The following GPM6A variants were observed in gnomAD, a reference collection of about 807,000 sequenced individuals.
GPM6A encodes glycoprotein M6A.
Under a neutral mutation model 32.1 loss-of-function variants are expected in GPM6A, and 7 were observed. That is an observed-to-expected ratio of 0.22 (90% CI 0.12 to 0.41). The LOEUF is 0.41. Among genes scored for constraint, GPM6A ranks in the 10% least tolerant of loss-of-function variants. The pLI, the probability that GPM6A is intolerant of heterozygous loss-of-function variation, is 1.00. For missense variants in GPM6A, 235 were observed against 347.2 expected (o/e 0.68, Z 2.57); for synonymous variants, 130 against 123.4 (o/e 1.05, Z -0.35).
At chr4:175,787,285 C>T (rs2111265759) in intron 1 of GPM6A, 2 of 1,057,988 alleles carry the variant, frequency 1.9e-6, no homozygotes, top group Non-Finnish European at 2.8e-6. Flanking sequence ...GAAATGATTT[C>T]CTCAATAGTT....
At chr4:175,679,531 T>C (rs1340170922) in intron 2 of GPM6A, among the ~76,000 whole-genome samples, 1 of 152,104 alleles carries the variant, frequency 6.6e-6, no homozygotes, top group African/African-American at 2.4e-5. Flanking sequence ...TCAAAACTTC[T>C]CCCCAATGTT....
chr4:175,935,129 T>C (rs1459945020), intron 1 of GPM6A, among the ~76,000 whole-genome samples: 1 of 152,220 alleles, frequency 6.6e-6, no homozygotes, highest in East Asian at 1.9e-4. Context: ...TATTGCACTT[T>C]AGAGCACAGT....
At chr4:175,740,827 T>A (rs2644009) in intron 1 of GPM6A, among the ~76,000 whole-genome samples, 39,360 of 151,822 alleles carry the variant, frequency 0.26, 5,176 homozygotes, top group Non-Finnish European at 0.27. Flanking sequence ...TAAGTAACAC[T>A]AAAGAAAATG....
intron 1 of GPM6A, among the ~76,000 whole-genome samples, chr4:175,931,705 C>CATAT (rs1488274272): frequency 7.2e-6 from 1 of 139,178 alleles, no homozygotes; most frequent in African/African-American, 2.9e-5. Context: ...CACACACACA[C>CATAT]ACACATATAT....
At chr4:175,637,311 TAATATAAAATA>T (rs1740752320) in intron 6 of GPM6A, among the ~76,000 whole-genome samples, 1 of 20,574 alleles carries the variant, frequency 4.9e-5, no homozygotes, top group Admixed American at 9.5e-4. Flanking sequence ...ATATTATATA[TAATATAAAATA>T]TATATTATAT....
At chr4:175,987,483 A>G (rs1741012056) in intron 1 of GPM6A, among the ~76,000 whole-genome samples, 1 of 151,894 alleles carries the variant, frequency 6.6e-6, no homozygotes, top group African/African-American at 2.4e-5. Context: ...TTAAGACTTA[A>G]AACTTAGTTA....
At chr4:175,794,360 C>T (rs1231367821) in intron 1 of GPM6A, among the ~76,000 whole-genome samples, 1 of 152,038 alleles carries the variant, frequency 6.6e-6, no homozygotes, top group African/African-American at 2.4e-5. Flanking sequence ...TAATAGAAAC[C>T]ATAATCAAAT....
intron 1 of GPM6A, among the ~76,000 whole-genome samples, chr4:175,951,432 A>G (rs973291266): frequency 6.6e-6 from 1 of 152,186 alleles, no homozygotes; most frequent in Non-Finnish European, 1.5e-5. Context: ...AAGAGAGAGG[A>G]TAGAGTTGGA....
intron 1 of GPM6A, among the ~76,000 whole-genome samples, chr4:175,931,965 G>T (rs1460637751): frequency 1.3e-5 from 2 of 151,760 alleles, no homozygotes; most frequent in Non-Finnish European, 2.9e-5. Context: ...GGTGGTGCAT[G>T]CCTGTAGTCC....
chr4:175,641,161 A>C (rs1419625357), intron 4 of GPM6A: 1 of 279,084 alleles, frequency 3.6e-6, no homozygotes, highest in Non-Finnish European at 6.8e-6. Context: ...TATTTTGTTA[A>C]CTATGCCCCA....
intron 1 of GPM6A, among the ~76,000 whole-genome samples, chr4:175,830,674 C>A (rs1040259487): frequency 6.6e-6 from 1 of 152,134 alleles, no homozygotes; most frequent in African/African-American, 2.4e-5. Flanking sequence ...ATCTTTCATC[C>A]ATTTTGAATA....
chr4:176,002,345 A>G, upstream of GPM6A: 1 of 1,582,738 alleles, frequency 6.3e-7, no homozygotes, highest in Non-Finnish European at 8.6e-7. Flanking sequence ...CAGTCCCCAG[A>G]GGAGAGCGAG....
chr4:175,860,279 C>T (rs1736535602), intron 1 of GPM6A, among the ~76,000 whole-genome samples: 1 of 150,610 alleles, frequency 6.6e-6, no homozygotes, highest in East Asian at 2.0e-4. Context: ...AAAAAAAAAT[C>T]GATAAAATTA....
At chr4:175,812,126 C>A in intron 1 of GPM6A, 65 bp downstream of exon 1, 2 of 1,257,552 alleles carry the variant, frequency 1.6e-6, no homozygotes, top group South Asian at 2.6e-5. Flanking sequence ...TGGCAAGTGT[C>A]TAAAGCAAAC....
chr4:175,971,033 A>G (rs1381236281), intron 1 of GPM6A: 1 of 358,280 alleles, frequency 2.8e-6, no homozygotes, highest in East Asian at 9.1e-5. Flanking sequence ...CTCAGTTAGG[A>G]AAGTAAAGGA....
chr4:175,729,132 C>A (rs1034724957), intron 1 of GPM6A, among the ~76,000 whole-genome samples: 12 of 152,166 alleles, frequency 7.9e-5, no homozygotes, highest in Non-Finnish European at 1.5e-4. Flanking sequence ...TCTATCAGAT[C>A]TAATACCAAA....
chr4:175,637,324 ATATTATATAT>A (rs1740758549), intron 6 of GPM6A, among the ~76,000 whole-genome samples: 1 of 79,580 alleles, frequency 1.3e-5, no homozygotes, highest in Non-Finnish European at 2.2e-5. Flanking sequence ...TATAAAATAT[ATATTATATAT>A]TATATATTAT....
At chr4:175,724,080 T>C (rs1419361574) in intron 1 of GPM6A, among the ~76,000 whole-genome samples, 1 of 151,960 alleles carries the variant, frequency 6.6e-6, no homozygotes, top group Non-Finnish European at 1.5e-5. Flanking sequence ...GATGAACAGA[T>C]AAAAAGGATA....
intron 1 of GPM6A, among the ~76,000 whole-genome samples, chr4:175,950,776 G>T (rs1739781439): frequency 6.6e-6 from 1 of 152,212 alleles, no homozygotes; most frequent in East Asian, 1.9e-4. Flanking sequence ...AGTTCTAAAT[G>T]TCATGATATT....
Sources: gnomAD v4.1 joint callset for allele counts (sites outside exome capture counted in the v4.1 genomes callset) on GRCh38, gnomAD v4.1.1 for gene constraint, MANE v1.5 for transcripts, NCBI Gene and HGNC (gene_info 2026-07-23, HGNC 2026-07-21) for gene names.